The following DLGAP3 variants were observed in gnomAD, a reference collection of about 807,000 sequenced individuals.
DLGAP3 encodes DLG associated protein 3.
A neutral mutation model predicts 81.2 loss-of-function variants in DLGAP3; 17 were observed. That is an observed-to-expected ratio of 0.21 (90% CI 0.14 to 0.31). The LOEUF is 0.31. Ranked by LOEUF, DLGAP3 falls within the 10% of genes least tolerant of loss-of-function variation. DLGAP3 has a pLI of 1.00. For synonymous variants in DLGAP3, 577 were observed against 587.4 expected, an observed-to-expected ratio of 0.98 and a Z score of 0.26; for missense variants, 1,124 against 1,388.0, an observed-to-expected ratio of 0.81 and a Z score of 3.02.
Position 34,866,075 on chromosome 1 carries a change from C to G in DLGAP3, c.*8G>C. The G allele has an allele frequency of 6.3e-7, 1 of 1,592,496 alleles. No homozygotes were observed. The highest frequency in any genetic ancestry group is 8.5e-7 in the Non-Finnish European group (1 of 1,175,630). On this transcript the variant is annotated 3_prime_UTR_variant, in exon 12 of 12. Transcript: ENST00000373347. ...CGGGCCCGGGCCGGGCTGGGCGGGC[C>G]GGACCGGTCACAGCCTGGTCTGGGC...
At chr1:34,891,106 C>G (rs1639306097) in intron 5 of DLGAP3, among the ~76,000 whole-genome samples, 1 of 152,132 alleles carries the variant, frequency 6.6e-6, no homozygotes, top group Admixed American at 6.5e-5. Context: ...CAAAACCCAC[C>G]ATTTTATCAC....
intron 8 of DLGAP3, among the ~76,000 whole-genome samples, chr1:34,883,053 TTC>T (rs766496302): frequency 1.3e-5 from 2 of 152,260 alleles, no homozygotes; most frequent in Non-Finnish European, 2.9e-5. Context: ...AGGTCCCTTC[TTC>T]TCTCTTATCT....
At chr1:34,912,701 C>T (rs1003706297) in intron 1 of DLGAP3, among the ~76,000 whole-genome samples, 1 of 152,190 alleles carries the variant, frequency 6.6e-6, no homozygotes, top group Non-Finnish European at 1.5e-5. Context: ...TGGGATCCCA[C>T]AGTTTTAGGC....
rs1225149106 is a variant in DLGAP3 at position 34,867,151 on chromosome 1, G to A, written c.2618C>T (p.Ala873Val). 3 of 1,614,180 alleles carry A rather than the reference G, an allele frequency of 1.9e-6. No homozygotes were observed. The highest frequency in any genetic ancestry group is 2.5e-6 in the Non-Finnish European group (3 of 1,180,020). Residue 873 changes from alanine (A) to valine (V), a missense_variant, in exon 11 of 12, where the codon GCG (alanine) becomes GTG (valine). Coordinates refer to ENST00000373347, the MANE Select transcript of DLGAP3 (RefSeq NM_001080418.3). This position sits in a 1 kb window ranked among gnomAD's most constrained non-coding sequence, Gnocchi z 4.3. ...GAGCTGTAGGAGGTCCCAGAAACCC[G>A]CCAGGTCCTGGAAGGTGGGCACAGG... ...AFPVPTFQDL[A>V]GFWDLLQLSI...
Position 34,904,344 on chromosome 1 carries a change from GC to G in DLGAP3, c.1039del (p.Ala347ProfsTer121). ...VSQGRDGYPG[A>X]GPGKGLLGPE... ...ACCCAGGAGCCCCTTGCCTGGCCCG[GC>G]CCCCGGGTATCCATCCCGGCCCTGG... On this transcript the variant is annotated frameshift_variant, in exon 3 of 12. Transcript: ENST00000373347. LOFTEE classifies it high-confidence loss of function. The surrounding 1 kb of genome is among the most constrained non-coding windows in gnomAD (Gnocchi z 8.1). 1 of 1,612,058 alleles carries G rather than the reference GC, an allele frequency of 6.2e-7. No individual in the cohort carries two copies.
chr1:34,879,912 G>C (rs1278287634), intron 8 of DLGAP3, among the ~76,000 whole-genome samples: 1 of 151,998 alleles, frequency 6.6e-6, no homozygotes, highest in Non-Finnish European at 1.5e-5. Context: ...GAGGCATAAA[G>C]AAAGACAAAC....
At chr1:34,872,492 G>A (rs1235239016) in intron 8 of DLGAP3, among the ~76,000 whole-genome samples, 1 of 152,142 alleles carries the variant, frequency 6.6e-6, no homozygotes, top group Non-Finnish European at 1.5e-5. Flanking sequence ...CAAGAGGAAA[G>A]AACCTGTGGT....
At chr1:34,916,375 G>A (rs1272549295) in intron 1 of DLGAP3, among the ~76,000 whole-genome samples, 1 of 152,236 alleles carries the variant, frequency 6.6e-6, no homozygotes, top group Non-Finnish European at 1.5e-5. Flanking sequence ...AACCTCTGGT[G>A]CCTTTCAACT....
chr1:34,923,882 T>G (rs1371530477), intron 1 of DLGAP3, among the ~76,000 whole-genome samples: 3 of 152,146 alleles, frequency 2.0e-5, no homozygotes, highest in East Asian at 3.9e-4. Flanking sequence ...TACCTCTCCC[T>G]TTTCTTGAAC....
Position 34,875,923 on chromosome 1 carries a change from G to A in DLGAP3, c.2001-6834C>T, listed in dbSNP as rs916315780. 8.5e-5 allele frequency among the ~76,000 whole-genome samples: 13 copies of A among 152,320 alleles called. No individual in the cohort carries two copies. The South Asian group carries it at 1.2e-3, about 15-fold the overall frequency. ...CAGGGAAGCCATGCCTGACCCCTCTGGCAGACTCAAAGCCCCATAGTCTAC... is the reference window on the plus strand; with the variant it reads ...CAGGGAAGCCATGCCTGACCCCTCTAGCAGACTCAAAGCCCCATAGTCTAC... On this transcript the variant is annotated intron_variant, in intron 8 of 11. Coordinates refer to ENST00000373347, the MANE Select transcript of DLGAP3 (RefSeq NM_001080418.3).
chr1:34,866,321 G>A lies in DLGAP3; in HGVS notation c.2722-20C>T, dbSNP rs1229163991. The A allele has an allele frequency of 6.7e-7, 1 of 1,496,644 alleles. No homozygotes were observed. 92.7% of individuals were successfully genotyped at this position (1,496,644 alleles called of 1,614,324 possible). ...CTCCTCCTGCGGGGCAGAGGGCGTC[G>A]CTGAGCTGGGGCGCCGAACCATCCC... is the stretch of plus-strand genomic sequence containing the variant. On this transcript the variant is annotated intron_variant, in intron 11 of 11. Transcript: ENST00000373347.
At position 34,899,712 on chromosome 1, in the gene DLGAP3, C is replaced by T. The variant is rs762482299; in HGVS notation, c.1343G>A (p.Arg448Gln). The change falls in exon 5 of 12, where the codon CGG becomes CAG. Residue 448 changes from arginine to glutamine, a missense_variant. Physicochemically the swap from Arg to Gln is conservative, Grantham distance 43 (BLOSUM62 1). Around this residue, in one of 9 missense-constraint regions of DLGAP3, gnomAD observed 357 missense variants for 408.8 expected, o/e 0.87. Coordinates refer to ENST00000373347, the MANE Select transcript of DLGAP3 (RefSeq NM_001080418.3). ...ACGGCTGTAGCCAGGGATGGAGCTC[C>T]GGGGGTGGATCCGGGGTGGGACACA... Reference protein sequence around the residue: ...NCCVPPRIHPRSSIPGYSRSL... With the variant: ...NCCVPPRIHPQSSIPGYSRSL... The T allele has an allele frequency of 1.4e-5, 22 of 1,613,766 alleles. No homozygotes were observed. Among genetic ancestry groups the T allele is most frequent in the East Asian group, 2.2e-5 (1 of 44,872 alleles).
At chr1:34,894,654 T>C (rs1639358354) in intron 5 of DLGAP3, among the ~76,000 whole-genome samples, 1 of 152,148 alleles carries the variant, frequency 6.6e-6, no homozygotes, top group Non-Finnish European at 1.5e-5. Flanking sequence ...TATCAAACAG[T>C]ATGGGTAAAA....
chr1:34,899,367 C>CA (rs1400749013), intron 5 of DLGAP3, among the ~76,000 whole-genome samples: 4 of 152,212 alleles, frequency 2.6e-5, no homozygotes, highest in Non-Finnish European at 5.9e-5. Context: ...TGCACCCGGC[C>CA]AATCCTACCT....
At chr1:34,910,621 G>A (rs1639626081) in intron 1 of DLGAP3, among the ~76,000 whole-genome samples, 1 of 152,092 alleles carries the variant, frequency 6.6e-6, no homozygotes, top group South Asian at 2.1e-4. Context: ...TCCCCCTGTT[G>A]GGAAAGCTTT....
chr1:34,884,371 C>G (rs539244519), intron 8 of DLGAP3, among the ~76,000 whole-genome samples: 1 of 152,144 alleles, frequency 6.6e-6, no homozygotes, highest in Admixed American at 6.5e-5. Context: ...CCCTCCAGAG[C>G]TGGCAATGCT....
intron 1 of DLGAP3, among the ~76,000 whole-genome samples, chr1:34,926,884 G>T (rs1451611885): frequency 6.6e-6 from 1 of 152,146 alleles, no homozygotes; most frequent in Non-Finnish European, 1.5e-5. Flanking sequence ...ATAAGGTAAG[G>T]AATGGTCTAT....
intron 1 of DLGAP3, among the ~76,000 whole-genome samples, chr1:34,924,662 C>G (rs1245169549): frequency 6.6e-6 from 1 of 151,986 alleles, no homozygotes. Context: ...GAGCTTGTTG[C>G]GCTAAAAAAA....
At chr1:34,925,876 C>T (rs1321685304) in intron 1 of DLGAP3, among the ~76,000 whole-genome samples, 1 of 152,174 alleles carries the variant, frequency 6.6e-6, no homozygotes, top group Non-Finnish European at 1.5e-5. Context: ...CACTTTGAAG[C>T]TGCATCAGAA....
Sources: gnomAD v4.1 joint callset for allele counts (sites outside exome capture counted in the v4.1 genomes callset) on GRCh38, gnomAD v4.1.1 for gene constraint, gnomAD v4.1.1 regional missense constraint, Gnocchi (gnomAD v3.1) non-coding constraint, MANE v1.5 for transcripts, NCBI Gene and HGNC (gene_info 2026-07-23, HGNC 2026-07-21) for gene names.